The following PVT1 variants were observed in gnomAD, a reference collection of about 807,000 sequenced individuals.
PVT1 encodes Pvt1 oncogene, also known as CXCR4/PVT1 fusion.
intron 3 of PVT1, among the ~76,000 whole-genome samples, chr8:127,941,137 C>G (rs1446045907): frequency 6.6e-6 from 1 of 152,238 alleles, no homozygotes; most frequent in Non-Finnish European, 1.5e-5. Flanking sequence ...GGCCTCCTCT[C>G]TCCATTTTCA....
intron 2 of PVT1, among the ~76,000 whole-genome samples, chr8:127,809,188 A>G (rs6470579): frequency 0.41 from 62,312 of 151,726 alleles, 13,035 homozygotes; most frequent in Non-Finnish European, 0.44. Flanking sequence ...AACTATTGAA[A>G]GTTTTCATTT....
chr8:127,855,490 G>A (rs188866628), intron 2 of PVT1, among the ~76,000 whole-genome samples: 1 of 152,174 alleles, frequency 6.6e-6, no homozygotes, highest in South Asian at 2.1e-4. Context: ...GGTGGCTTTG[G>A]GGGGGACATT....
At chr8:127,812,260 A>C (rs565775523) in intron 2 of PVT1, among the ~76,000 whole-genome samples, 14 of 118,270 alleles carry the variant, frequency 1.2e-4, no homozygotes, top group Admixed American at 2.3e-4. Context: ...GGAAGGCAGG[A>C]AGGCAGGAAG....
At chr8:127,960,948 G>C (rs1476652260) in intron 3 of PVT1, among the ~76,000 whole-genome samples, 1 of 132,568 alleles carries the variant, frequency 7.5e-6, no homozygotes, top group Non-Finnish European at 1.6e-5. Context: ...GGGGGTGGGG[G>C]GGGCGGGCGG....
chr8:127,884,266 A>G (rs1312951775), intron 2 of PVT1, among the ~76,000 whole-genome samples: 1 of 152,072 alleles, frequency 6.6e-6, no homozygotes, highest in Non-Finnish European at 1.5e-5. Context: ...TGCTTCTTTC[A>G]CTCAAAATTA....
intron 3 of PVT1, among the ~76,000 whole-genome samples, chr8:127,901,909 C>CT (rs10547587): frequency 8.7e-4 from 128 of 147,778 alleles, no homozygotes; most frequent in Non-Finnish European, 1.2e-3. Flanking sequence ...GCCAAGGGTA[C>CT]TTTTTTTTTT....
chr8:127,904,617 G>A (rs57639821), intron 3 of PVT1, among the ~76,000 whole-genome samples: 27,730 of 152,086 alleles, frequency 0.18, 3,192 homozygotes, highest in Non-Finnish European at 0.25. Flanking sequence ...GTGGCCCTCC[G>A]TTAGGGGGAT....
intron 2 of PVT1, among the ~76,000 whole-genome samples, chr8:127,812,645 G>A (rs192547646): frequency 7.0e-6 from 1 of 142,158 alleles, no homozygotes; most frequent in East Asian, 2.0e-4. Context: ...AGGAAGGAAG[G>A]GAAGGGAAGG....
At chr8:127,980,659 C>T (rs1297067973) in intron 3 of PVT1, among the ~76,000 whole-genome samples, 4 of 152,290 alleles carry the variant, frequency 2.6e-5, no homozygotes, top group African/African-American at 9.6e-5. Context: ...TGGAACTTCC[C>T]CAGGTGCCCC....
chr8:128,033,788 C>T lies in PVT1; in HGVS notation n.913-36372C>T, dbSNP rs554808056. On this transcript the variant is annotated intron_variant and non_coding_transcript_variant, in intron 4 of 10. Coordinates refer to ENST00000651587, the Ensembl canonical transcript of PVT1. ...GCTGCTTCCCCTCCTCCTTTGTTCC[C>T]CTTCACCATGGCATAGCCCCAGGGA... Among the ~76,000 whole-genome samples the T allele has an allele frequency of 7.2e-5, 11 of 152,302 alleles. No individual in the cohort carries two copies. In the East Asian group the frequency reaches 2.1e-3, roughly 29 times the overall value.
At chr8:127,932,706 C>A (rs1428931109) in intron 3 of PVT1, 2 of 386,448 alleles carry the variant, frequency 5.2e-6, no homozygotes, top group Non-Finnish European at 4.6e-6. Flanking sequence ...ACATAATACA[C>A]GTTATATTTC....
At chr8:128,006,001 G>T (rs988098578) in intron 4 of PVT1, among the ~76,000 whole-genome samples, 1 of 151,846 alleles carries the variant, frequency 6.6e-6, no homozygotes, top group South Asian at 2.1e-4. Context: ...TACTCAGGGG[G>T]CTGAATAAGG....
Position 128,004,262 on chromosome 8 carries a change from A to T in PVT1, n.912+14971A>T, listed in dbSNP as rs1182315774. 2.6e-5 allele frequency among the ~76,000 whole-genome samples: 4 copies of T among 152,198 alleles called. No individual in the cohort carries two copies. The East Asian group carries it at 5.8e-4, about 22-fold the overall frequency. The stretch of plus-strand genomic sequence containing the variant: ...CCCTTGACTCTTGTGAATTATAATG[A>T]ACATTAGTCTGTAAAGCAGGTCCTT... On this transcript the variant is annotated intron_variant and non_coding_transcript_variant, in intron 4 of 10. Transcript: ENST00000651587.
chr8:127,936,212 C>A (rs995638308), intron 3 of PVT1, among the ~76,000 whole-genome samples: 6 of 151,788 alleles, frequency 4.0e-5, no homozygotes, highest in African/African-American at 1.5e-4. Flanking sequence ...CCACCCACGC[C>A]CGGCTAATTT....
chr8:127,873,156 G>T (rs149939127), intron 2 of PVT1, among the ~76,000 whole-genome samples: 2 of 152,304 alleles, frequency 1.3e-5, no homozygotes, highest in African/African-American at 4.8e-5. Flanking sequence ...CCTGCCTCTG[G>T]CCTCTGGGTG....
intron 5 of PVT1, among the ~76,000 whole-genome samples, chr8:128,084,819 G>A (rs1380023823): frequency 2.6e-5 from 4 of 152,204 alleles, no homozygotes; most frequent in Admixed American, 6.5e-5. Flanking sequence ...GTGAATACAT[G>A]AAAGTGAAAA....
intron 3 of PVT1, among the ~76,000 whole-genome samples, chr8:127,893,888 C>T (rs562155744): frequency 5.3e-5 from 8 of 152,214 alleles, no homozygotes; most frequent in Non-Finnish European, 8.8e-5. Context: ...CTCGCACACT[C>T]ATCAGTTAGA....
chr8:127,885,843 T>C (rs113014398), intron 2 of PVT1, among the ~76,000 whole-genome samples: 3,375 of 152,298 alleles, frequency 0.022, 125 homozygotes, highest in African/African-American at 0.077. Context: ...ATTACTGTAC[T>C]TCCTTCTTCT....
chr8:127,987,727 C>A (rs966687283), intron 3 of PVT1, among the ~76,000 whole-genome samples: 1 of 152,174 alleles, frequency 6.6e-6, no homozygotes, highest in African/African-American at 2.4e-5. Context: ...ACCCAGGAAG[C>A]CTGAGAAGAG....
Sources: allele counts gnomAD v4.1 joint callset (sites outside exome capture counted in the v4.1 genomes callset), GRCh38; gene constraint gnomAD v4.1.1; transcripts MANE v1.5; gene names NCBI Gene and HGNC (gene_info 2026-07-23, HGNC 2026-07-21).